The following ARHGAP32 variants were observed in gnomAD, a reference collection of about 807,000 sequenced individuals.
ARHGAP32 encodes the protein Rho GTPase activating protein 32, also known as rho GTPase-activating protein 32.
Under a neutral mutation model 186.5 loss-of-function variants are expected in ARHGAP32, and 51 were observed. The ratio of observed to expected loss-of-function variants is 0.27; its 90% CI spans 0.22 to 0.35. The LOEUF is 0.35. Ranked by LOEUF, ARHGAP32 falls within the 10% of genes least tolerant of loss-of-function variation. The pLI is 1.00. For missense variants in ARHGAP32, 2,186 were observed against 2,623.5 expected, an observed-to-expected ratio of 0.83 and a Z score of 3.64; for synonymous variants, 950 against 964.3, an observed-to-expected ratio of 0.99 and a Z score of 0.27.
At position 129,192,208 on chromosome 11, in the gene ARHGAP32, A is replaced by G. The variant is rs745655601; in HGVS notation, c.-10T>C. On this transcript the variant is annotated 5_prime_UTR_variant, in exon 1 of 23. The change abolishes the stop of an existing upstream ORF in the 5' untranslated region. Coordinates refer to ENST00000682385, the MANE Select transcript of ARHGAP32 (RefSeq NM_001378024.1). ...CACTTTCAGTCTCCATCTTGTACTT[A>G]AAAAACAAAAAAAACTAAACCTCCA... 6.3e-6 allele frequency: 10 copies of G among 1,578,422 alleles called. No individual in the cohort carries two copies. In the East Asian group the frequency reaches 1.6e-4, roughly 25 times the overall value.
intron 12 of ARHGAP32, among the ~76,000 whole-genome samples, chr11:128,988,785 T>C (rs1301516994): frequency 6.6e-6 from 1 of 152,226 alleles, no homozygotes; most frequent in Non-Finnish European, 1.5e-5. Context: ...GGGCACTCTC[T>C]CTGGTTAGCT....
chr11:128,997,247 G>T (rs576525606), intron 12 of ARHGAP32, among the ~76,000 whole-genome samples: 2 of 151,504 alleles, frequency 1.3e-5, no homozygotes, highest in Admixed American at 6.6e-5. Context: ...GTTTTTTTAG[G>T]GATCTGCATT....
chr11:129,016,160 C>A (rs1938328414), intron 11 of ARHGAP32, among the ~76,000 whole-genome samples: 1 of 152,118 alleles, frequency 6.6e-6, no homozygotes, highest in South Asian at 2.1e-4. Flanking sequence ...TTTCATATGG[C>A]CATTCAGTTT....
intron 1 of ARHGAP32, among the ~76,000 whole-genome samples, chr11:129,221,479 C>CTGTGTGTGTGTGTGTG (rs537808170): frequency 1.1e-4 from 13 of 121,204 alleles, no homozygotes; most frequent in Admixed American, 2.6e-4. Flanking sequence ...ATTGTCATTA[C>CTGTGTGTGTGTGTGTG]TGTGTGTGTG....
chr11:129,155,362 C>G (rs1943377856), intron 2 of ARHGAP32, among the ~76,000 whole-genome samples: 1 of 152,156 alleles, frequency 6.6e-6, no homozygotes, highest in African/African-American at 2.4e-5. Flanking sequence ...TTTTAAGGCA[C>G]AGGTGAATAT....
chr11:129,200,352 A>G (rs925371349), intron 1 of ARHGAP32, among the ~76,000 whole-genome samples: 9 of 152,186 alleles, frequency 5.9e-5, no homozygotes, highest in Non-Finnish European at 1.0e-4. Flanking sequence ...TAACTCCCAT[A>G]GTTCCCACAC....
intron 11 of ARHGAP32, among the ~76,000 whole-genome samples, chr11:129,009,078 T>C (rs1216082865): frequency 6.6e-6 from 1 of 152,238 alleles, no homozygotes; most frequent in Middle Eastern, 3.2e-3. Context: ...TTTAACATTA[T>C]ACAATAATTT....
At chr11:129,122,693 C>T (rs1565432849) in intron 5 of ARHGAP32, among the ~76,000 whole-genome samples, 1 of 152,032 alleles carries the variant, frequency 6.6e-6, no homozygotes, top group African/African-American at 2.4e-5. Context: ...AAAAGTAGCA[C>T]ACTGTGACAC....
At chr11:129,114,055 C>T (rs937583178) in intron 5 of ARHGAP32, among the ~76,000 whole-genome samples, 6 of 152,094 alleles carry the variant, frequency 3.9e-5, no homozygotes, top group Non-Finnish European at 7.4e-5. Flanking sequence ...ACTGCTAATT[C>T]CCTGGTTCTA....
chr11:129,045,917 A>G (rs1939787069), intron 10 of ARHGAP32, among the ~76,000 whole-genome samples: 1 of 152,202 alleles, frequency 6.6e-6, no homozygotes, highest in Admixed American at 6.5e-5. Context: ...CAATGTAGAG[A>G]CAGGGCTGGA....
chr11:129,086,820 C>CAAA (rs150471534), intron 6 of ARHGAP32, among the ~76,000 whole-genome samples: 7 of 77,992 alleles, frequency 9.0e-5, no homozygotes, highest in Admixed American at 2.8e-4. Context: ...GACTCCATCT[C>CAAA]AAAAAAAAAA....
intron 1 of ARHGAP32, among the ~76,000 whole-genome samples, chr11:129,252,144 C>A (rs1257464317): frequency 6.6e-6 from 1 of 152,100 alleles, no homozygotes; most frequent in Non-Finnish European, 1.5e-5. Context: ...TTTACATCTA[C>A]AGTATACTTG....
At chr11:129,262,484 A>G (rs891550331) in intron 1 of ARHGAP32, among the ~76,000 whole-genome samples, 1 of 152,042 alleles carries the variant, frequency 6.6e-6, no homozygotes, top group Non-Finnish European at 1.5e-5. Context: ...TCTGGGTTCA[A>G]GCGATTCTTA....
chr11:129,034,743 A>AAAG lies in ARHGAP32; in HGVS notation c.1045+6184_1045+6185insCTT, dbSNP rs1555076850. 4.1e-3 allele frequency among the ~76,000 whole-genome samples: 607 copies of AAAG among 149,418 alleles called. 8 individuals are homozygous for AAAG. Among genetic ancestry groups the AAAG allele is most frequent in the African/African-American group, 0.014 (579 of 40,298 alleles). On this transcript the variant is annotated intron_variant, in intron 11 of 22. Coordinates refer to ENST00000682385, the MANE Select transcript of ARHGAP32 (RefSeq NM_001378024.1). ...AAACTGAAAACAAAAAAAAAAAAAA[A>AAAG]AGAGAGAGAGAAAAAAAGAAAACAG...
intron 6 of ARHGAP32, among the ~76,000 whole-genome samples, chr11:129,086,360 A>G (rs1941393328): frequency 1.3e-5 from 2 of 152,240 alleles, no homozygotes; most frequent in Admixed American, 1.3e-4. Flanking sequence ...GAAAATCTAG[A>G]TGACCTTAGT....
Position 129,248,141 on chromosome 11 carries a change from T to C in ARHGAP32, c.-5+31005A>G, listed in dbSNP as rs145097729. On this transcript the variant is annotated intron_variant, in intron 1 of 6. Coordinates refer to the ARHGAP32 transcript ENST00000525234. ...TCCTGGCTAACACGGTGAAACCCCA[T>C]CTCTACTAAAAATACAAAAATTAGC... Among the ~76,000 whole-genome samples, 4 of 149,152 alleles carry C rather than the reference T, an allele frequency of 2.7e-5. No individual in the cohort carries two copies. The East Asian group carries it at 5.9e-4, about 22-fold the overall frequency.
chr11:129,178,282 GA>G (rs754627739), intron 1 of ARHGAP32, among the ~76,000 whole-genome samples: 13 of 151,960 alleles, frequency 8.6e-5, no homozygotes, highest in Non-Finnish European at 1.8e-4. Flanking sequence ...ATTGCTCAAG[GA>G]AATAAAAGAG....
chr11:129,218,636 C>T (rs575271431), intron 1 of ARHGAP32, among the ~76,000 whole-genome samples: 37 of 152,154 alleles, frequency 2.4e-4, no homozygotes, highest in Admixed American at 5.2e-4. Context: ...AGAATACATA[C>T]CAAAGGAAGA....
chr11:129,220,351 T>C lies in ARHGAP32; in HGVS notation c.-4-55924A>G, dbSNP rs911339380. The stretch of plus-strand genomic sequence containing the variant: ...ACAGAACTAAGAATTTTTCTAAGTG[T>C]GACTGATACTAACAATGAAAATCCG... On this transcript the variant is annotated intron_variant, in intron 1 of 6. Transcript: ENST00000525234. Among the ~76,000 whole-genome samples, 7 of 152,288 alleles carry C rather than the reference T, an allele frequency of 4.6e-5. No individual in the cohort carries two copies. In the East Asian group the frequency reaches 1.3e-3, roughly 29 times the overall value.
Sources: allele counts gnomAD v4.1 joint callset (sites outside exome capture counted in the v4.1 genomes callset), GRCh38; gene constraint gnomAD v4.1.1; transcripts MANE v1.5; gene names NCBI Gene and HGNC (gene_info 2026-07-23, HGNC 2026-07-21).